Variants in GALNTL6 observed in about 807,000 individuals in gnomAD.
The protein encoded by GALNTL6 is polypeptide N-acetylgalactosaminyltransferase like 6.
In GALNTL6, 46 loss-of-function variants were observed where a neutral mutation model predicts 73.7. That is an observed-to-expected ratio of 0.62 (90% CI 0.49 to 0.80). The LOEUF (loss-of-function observed/expected upper bound fraction) is 0.80, where lower values mean the gene tolerates loss of function less well. GALNTL6 is among the 30% of genes least tolerant of loss of function. GALNTL6 has a pLI of 0.00. For synonymous variants in GALNTL6, 259 were observed against 263.7 expected (o/e 0.98, Z 0.17); for missense variants, 604 against 755.0 (o/e 0.80, Z 2.34).
At chr4:172,434,816 C>T (rs1440283393) in intron 5 of GALNTL6, among the ~76,000 whole-genome samples, 1 of 152,068 alleles carries the variant, frequency 6.6e-6, no homozygotes, top group Non-Finnish European at 1.5e-5. Flanking sequence ...CATTGCATTG[C>T]ACTGTTTTCC....
At chr4:171,962,231 T>C (rs1309735243) in intron 2 of GALNTL6, among the ~76,000 whole-genome samples, 1 of 152,182 alleles carries the variant, frequency 6.6e-6, no homozygotes, top group Admixed American at 6.5e-5. Flanking sequence ...GAGAAATATG[T>C]CAGAAGCATT....
At chr4:173,000,178 C>T (rs1751983176) in intron 10 of GALNTL6, among the ~76,000 whole-genome samples, 1 of 152,054 alleles carries the variant, frequency 6.6e-6, no homozygotes, top group Non-Finnish European at 1.5e-5. Flanking sequence ...GAAGCATTAT[C>T]CTTAATTTTA....
chr4:172,819,684 C>G (rs1469138147), intron 7 of GALNTL6, among the ~76,000 whole-genome samples: 1 of 152,098 alleles, frequency 6.6e-6, no homozygotes, highest in African/African-American at 2.4e-5. Flanking sequence ...CCATTTAATC[C>G]TTATTTCAAG....
intron 5 of GALNTL6, among the ~76,000 whole-genome samples, chr4:172,802,307 A>T (rs1003195075): frequency 2.6e-4 from 39 of 152,330 alleles, no homozygotes; most frequent in African/African-American, 9.1e-4. Context: ...GAATGTAACA[A>T]AAGCCCACCA....
chr4:172,736,317 C>T (rs565706351), intron 5 of GALNTL6, among the ~76,000 whole-genome samples: 1 of 152,296 alleles, frequency 6.6e-6, no homozygotes, highest in African/African-American at 2.4e-5. Flanking sequence ...CAATATTTTC[C>T]CAGGGCTGTT....
intron 3 of GALNTL6, among the ~76,000 whole-genome samples, chr4:172,291,546 C>T (rs1739471691): frequency 6.6e-6 from 1 of 152,006 alleles, no homozygotes; most frequent in African/African-American, 2.4e-5. Flanking sequence ...CAGTTTCTCT[C>T]AATATGTAGA....
chr4:173,018,215 C>T (rs1048805667), intron 11 of GALNTL6, among the ~76,000 whole-genome samples: 4 of 152,160 alleles, frequency 2.6e-5, no homozygotes, highest in African/African-American at 9.7e-5. Flanking sequence ...CAGGTTTATT[C>T]GCCAGGAAAT....
intron 7 of GALNTL6, among the ~76,000 whole-genome samples, chr4:172,874,547 A>G (rs1745096468): frequency 6.6e-6 from 1 of 152,176 alleles, no homozygotes; most frequent in Non-Finnish European, 1.5e-5. Context: ...TGTTTTATGT[A>G]AGAGAAGTTG....
intron 9 of GALNTL6, among the ~76,000 whole-genome samples, chr4:172,934,718 G>A (rs894149058): frequency 6.6e-6 from 1 of 152,214 alleles, no homozygotes; most frequent in Non-Finnish European, 1.5e-5. Context: ...GTCTAGAGTT[G>A]CAGGGAGACT....
At chr4:171,985,580 G>T (rs1254113396) in intron 2 of GALNTL6, among the ~76,000 whole-genome samples, 1 of 151,950 alleles carries the variant, frequency 6.6e-6, no homozygotes, top group Non-Finnish European at 1.5e-5. Context: ...ACACTTCCAT[G>T]GATTATTATG....
intron 3 of GALNTL6, among the ~76,000 whole-genome samples, chr4:172,279,344 A>G (rs1738947410): frequency 6.6e-6 from 1 of 152,214 alleles, no homozygotes; most frequent in Non-Finnish European, 1.5e-5. Flanking sequence ...CCTAGAACAT[A>G]TAAAGATTTG....
Position 173,011,014 on chromosome 4 carries a change from C to G in GALNTL6, c.1488+1720C>G, listed in dbSNP as rs138527885. Among the ~76,000 whole-genome samples, 340 of 152,270 alleles carry G rather than the reference C, an allele frequency of 2.2e-3. 1 individual carries two copies. The highest frequency in any genetic ancestry group is 7.7e-3 in the African/African-American group (321 of 41,560). ...TCCCATTTCTCCGTATCCTCAACAG[C>G]ATTTGTTATTGCCTATCTTTTGGAT... On this transcript the variant is annotated intron_variant, in intron 11 of 12. Transcript: ENST00000506823.
intron 2 of GALNTL6, among the ~76,000 whole-genome samples, chr4:172,061,311 T>C (rs1231060805): frequency 1.3e-5 from 2 of 152,122 alleles, no homozygotes; most frequent in Non-Finnish European, 2.9e-5. Context: ...AGTCTCCTTC[T>C]CTGGCAAGGG....
intron 5 of GALNTL6, among the ~76,000 whole-genome samples, chr4:172,587,703 G>C (rs1254862557): frequency 6.6e-6 from 1 of 152,086 alleles, no homozygotes; most frequent in Admixed American, 6.5e-5. Context: ...TTCCAGGATC[G>C]GCTCTAGCAA....
intron 10 of GALNTL6, among the ~76,000 whole-genome samples, chr4:172,972,265 T>C (rs1750615668): frequency 6.6e-6 from 1 of 152,196 alleles, no homozygotes; most frequent in Non-Finnish European, 1.5e-5. Flanking sequence ...TAAGGATGTA[T>C]AGAACCTAAA....
chr4:172,015,152 T>C (rs909783385), intron 2 of GALNTL6, among the ~76,000 whole-genome samples: 1 of 152,096 alleles, frequency 6.6e-6, no homozygotes, highest in African/African-American at 2.4e-5. Context: ...CAGTGGAGTA[T>C]TGAAGTCCTC....
intron 5 of GALNTL6, among the ~76,000 whole-genome samples, chr4:172,447,580 A>G (rs1003590617): frequency 6.6e-6 from 1 of 152,228 alleles, no homozygotes; most frequent in Admixed American, 6.5e-5. Flanking sequence ...TTCTAAAAGC[A>G]TACTATAAAT....
intron 2 of GALNTL6, among the ~76,000 whole-genome samples, chr4:171,873,185 CA>C (rs1248417274): frequency 6.6e-6 from 1 of 152,054 alleles, no homozygotes; most frequent in East Asian, 1.9e-4. Context: ...ATATTTTAAA[CA>C]AATGATCATC....
intron 3 of GALNTL6, among the ~76,000 whole-genome samples, chr4:172,285,380 C>G (rs113198498): frequency 6.6e-6 from 1 of 152,056 alleles, no homozygotes; most frequent in African/African-American, 2.4e-5. Flanking sequence ...TACATTGATA[C>G]CTAATCCCCA....
Sources: allele counts gnomAD v4.1 joint callset (sites outside exome capture counted in the v4.1 genomes callset), GRCh38; gene constraint gnomAD v4.1.1; transcripts MANE v1.5; gene names NCBI Gene and HGNC (gene_info 2026-07-23, HGNC 2026-07-21).